The following EIF2B3 variants were observed in gnomAD, a reference collection of about 807,000 sequenced individuals.
EIF2B3 encodes the protein translation initiation factor eIF2B subunit gamma.
Under a neutral mutation model 54.1 loss-of-function variants are expected in EIF2B3, and 20 were observed. The ratio of observed to expected loss-of-function variants is 0.37; its 90% CI spans 0.26 to 0.54. The LOEUF is 0.54. EIF2B3 is among the 20% of genes least tolerant of loss of function. EIF2B3 has a pLI of 0.86. For missense variants in EIF2B3, 448 were observed against 547.8 expected, an observed-to-expected ratio of 0.82 and a Z score of 1.82; for synonymous variants, 153 against 188.1, an observed-to-expected ratio of 0.81 and a Z score of 1.52.
chr1:44,963,278 C>CTTT (rs373810618), intron 3 of EIF2B3, among the ~76,000 whole-genome samples: 1 of 143,478 alleles, frequency 7.0e-6, no homozygotes, highest in Non-Finnish European at 1.5e-5. Context: ...GGGGGGAAAT[C>CTTT]TTTTTTTTTT....
At chr1:44,937,883 CAAAA>C (rs34363661) in intron 4 of EIF2B3, among the ~76,000 whole-genome samples, 28 of 33,556 alleles carry the variant, frequency 8.3e-4, no homozygotes, top group African/African-American at 2.5e-3. Flanking sequence ...GACTCCGTCT[CAAAA>C]AAAAAAAAAA....
chr1:44,981,101 A>G lies in EIF2B3; in HGVS notation c.68T>C (p.Ile23Thr). The G allele has an allele frequency of 1.2e-6, 2 of 1,613,526 alleles. No homozygotes were observed. Among genetic ancestry groups the G allele is most frequent in the Non-Finnish European group, 1.7e-6 (2 of 1,179,986 alleles). The change falls in exon 2 of 12, where the codon ATT (isoleucine) becomes ACT (threonine). Residue 23 changes from isoleucine (I) to threonine (T), a missense_variant. By Grantham distance (89) the Ile-to-Thr change is moderately conservative. This residue lies in a region of EIF2B3 where 95 missense variants were observed against 115.7 expected (regional missense o/e 0.82). Coordinates refer to ENST00000360403, the MANE Select transcript of EIF2B3 (RefSeq NM_020365.5). ...GSRMTDLTSS[I>T]PKPLLPVGNK... ...CCCAACTGGAAGCAGAGGTTTGGGA[A>G]TGCTGGAAGTTAGGTCTGTCATCCG...
intron 5 of EIF2B3, among the ~76,000 whole-genome samples, chr1:44,922,317 T>A (rs992840691): frequency 4.7e-5 from 7 of 150,088 alleles, no homozygotes; most frequent in Non-Finnish European, 1.0e-4. Flanking sequence ...CCAGGCATGG[T>A]GGCTCACGCC....
chr1:44,911,296 T>C (rs150676765), intron 5 of EIF2B3, among the ~76,000 whole-genome samples: 25 of 152,286 alleles, frequency 1.6e-4, no homozygotes, highest in African/African-American at 6.0e-4. Flanking sequence ...CCAAAGATCC[T>C]GAATCACTGG....
chr1:44,979,539 T>C (rs1039486171), intron 2 of EIF2B3, among the ~76,000 whole-genome samples: 1 of 148,164 alleles, frequency 6.7e-6, no homozygotes, highest in Non-Finnish European at 1.5e-5. Context: ...ATGCATGTAG[T>C]TGCAGCTACT....
chr1:44,974,632 C>G (rs1644435049), intron 3 of EIF2B3, among the ~76,000 whole-genome samples: 1 of 151,182 alleles, frequency 6.6e-6, no homozygotes, highest in African/African-American at 2.4e-5. Context: ...GCACACTAGC[C>G]TGGGTGACAG....
intron 5 of EIF2B3, among the ~76,000 whole-genome samples, chr1:44,897,692 GA>G (rs1347022083): frequency 6.6e-6 from 1 of 151,410 alleles, no homozygotes; most frequent in Non-Finnish European, 1.5e-5. Context: ...AATCTGGTGA[GA>G]CATCATATCA....
chr1:44,858,722 C>G (rs1431797958), intron 10 of EIF2B3, among the ~76,000 whole-genome samples: 5 of 152,088 alleles, frequency 3.3e-5, no homozygotes, highest in Non-Finnish European at 7.4e-5. Context: ...GCCTTGGCTT[C>G]CCAATGTGCT....
Position 44,850,761 on chromosome 1 carries a change from CAT to C in EIF2B3, c.*188_*189del. 1.6e-6 allele frequency: 1 copy of C among 630,384 alleles called. No homozygotes were observed. Among genetic ancestry groups the C allele is most frequent in the Non-Finnish European group, 2.8e-6 (1 of 356,726 alleles). 39.0% of individuals were successfully genotyped at this position (630,384 alleles called of 1,614,324 possible). On this transcript the variant is annotated 3_prime_UTR_variant, in exon 12 of 12. Transcript: ENST00000360403. ...CACTTGCTCCAGATGATCTTTACCA[CAT>C]GACACATGAACATACACTGTGTACA...
intron 1 of EIF2B3, among the ~76,000 whole-genome samples, chr1:44,983,573 T>C (rs1307005021): frequency 2.0e-5 from 3 of 152,146 alleles, no homozygotes; most frequent in Non-Finnish European, 4.4e-5. Context: ...CACTGGACCC[T>C]TAAGAGTCAA....
intron 5 of EIF2B3, among the ~76,000 whole-genome samples, chr1:44,923,944 T>TC (rs1362601952): frequency 6.7e-6 from 1 of 149,134 alleles, no homozygotes; most frequent in Non-Finnish European, 1.5e-5. Flanking sequence ...TCTTTCCTTT[T>TC]TTTTTTTTTT....
At chr1:44,926,766 T>G in intron 4 of EIF2B3, 27 bp from the exon 5 acceptor site, 2 of 1,572,956 alleles carry the variant, frequency 1.3e-6, no homozygotes, top group Non-Finnish European at 1.7e-6. Context: ...AAAAAAAAAA[T>G]CAAATAAAGC....
chr1:44,971,960 G>A (rs185042341), intron 3 of EIF2B3, among the ~76,000 whole-genome samples: 227 of 152,188 alleles, frequency 1.5e-3, no homozygotes, highest in African/African-American at 5.2e-3. Context: ...TTGAACCTGG[G>A]AGGAAAGGTT....
At position 44,879,981 on chromosome 1, in the gene EIF2B3, T is replaced by C. The variant is rs935336864; in HGVS notation, c.812A>G (p.Asn271Ser). 1.9e-6 allele frequency: 3 copies of C among 1,614,222 alleles called. No homozygotes were observed. Among genetic ancestry groups the C allele is most frequent in the Non-Finnish European group, 8.5e-7 (1 of 1,180,038 alleles). ...LDIYSFIKEA[N>S]TLNLAPYDAC... is the part of the protein sequence containing the mutation. ...ATCATAGGGAGCCAGGTTCAGTGTA[T>C]TGGCTTCTTTTATAAAACTGTAGAT... Residue 271 changes from asparagine to serine, a missense_variant, in exon 8 of 12, where the codon AAT (asparagine) becomes AGT (serine). Asn to Ser is a conservative substitution (Grantham distance 46). Coordinates refer to ENST00000360403, the MANE Select transcript of EIF2B3 (RefSeq NM_020365.5).
intron 9 of EIF2B3, 89 bp downstream of exon 9, chr1:44,875,529 A>T (rs1655092524): frequency 8.1e-7 from 1 of 1,233,936 alleles, no homozygotes; most frequent in Non-Finnish European, 1.2e-6. Flanking sequence ...GAGGTTCAGG[A>T]CTTAAAGGCC....
At chr1:44,981,846 AG>A (rs1380669563) in intron 1 of EIF2B3, among the ~76,000 whole-genome samples, 2 of 147,614 alleles carry the variant, frequency 1.4e-5, no homozygotes, top group Non-Finnish European at 3.0e-5. Context: ...CTGAAGTGGG[AG>A]GATCATTTGA....
chr1:44,876,370 T>G (rs1417210648), intron 8 of EIF2B3, among the ~76,000 whole-genome samples: 2 of 127,778 alleles, frequency 1.6e-5, no homozygotes, highest in East Asian at 2.4e-4. Context: ...CCGTCTGGGA[T>G]GTGAGGAGCG....
chr1:44,919,865 C>T lies in EIF2B3; in HGVS notation c.566+6763G>A, dbSNP rs115347729. ...CCAAGTAGCTGGGATTACACGCATG[C>T]GACAACATGCCTGGCTACTTTTTTT... On this transcript the variant is annotated intron_variant, in intron 5 of 11. Transcript: ENST00000360403. 9.4e-3 allele frequency among the ~76,000 whole-genome samples: 1,371 copies of T among 146,060 alleles called. 25 individuals carry two copies. Among genetic ancestry groups the T allele is most frequent in the African/African-American group, 0.033 (1,322 of 39,922 alleles).
intron 3 of EIF2B3, among the ~76,000 whole-genome samples, chr1:44,951,732 CAGAGAT>C (rs1054033103): frequency 2.6e-5 from 4 of 152,094 alleles, no homozygotes; most frequent in Non-Finnish European, 5.9e-5. Context: ...TTTACATTCT[CAGAGAT>C]AATTTCATAT....
Sources: allele counts gnomAD v4.1 joint callset (sites outside exome capture counted in the v4.1 genomes callset), GRCh38; gene constraint gnomAD v4.1.1; regional missense constraint gnomAD v4.1.1; transcripts MANE v1.5; gene names NCBI Gene and HGNC (gene_info 2026-07-23, HGNC 2026-07-21).